Variants in PTPRM observed in about 807,000 individuals in gnomAD.
PTPRM encodes the protein receptor-type tyrosine-protein phosphatase mu.
PTPRM carries 47 observed loss-of-function variants against 186.7 expected under a neutral mutation model. The ratio of observed to expected loss-of-function variants is 0.25; its 90% confidence interval spans 0.20 to 0.32. PTPRM has a LOEUF of 0.32. Among genes scored for constraint, PTPRM ranks in the 10% least tolerant of loss-of-function variants. The pLI, the probability that PTPRM is intolerant of heterozygous loss-of-function variation, is 1.00. For missense variants in PTPRM, 1,494 were observed against 1,865.0 expected, an observed-to-expected ratio of 0.80 and a Z score of 3.66; for synonymous variants, 668 against 674.9, an observed-to-expected ratio of 0.99 and a Z score of 0.16.
At chr18:8,139,607 C>T (rs1158174006) in intron 13 of PTPRM, among the ~76,000 whole-genome samples, 2 of 152,216 alleles carry the variant, frequency 1.3e-5, no homozygotes, top group Non-Finnish European at 2.9e-5. Flanking sequence ...GCTTCACCTT[C>T]TCCGCAGTTC....
At chr18:7,623,892 C>T (rs774018726) in intron 1 of PTPRM, among the ~76,000 whole-genome samples, 25 of 152,140 alleles carry the variant, frequency 1.6e-4, no homozygotes, top group Non-Finnish European at 3.2e-4. Context: ...TCTGGACCAA[C>T]CCCAGCTCTT....
intron 1 of PTPRM, among the ~76,000 whole-genome samples, chr18:7,643,195 C>CA (rs1423371929): frequency 6.6e-6 from 1 of 152,044 alleles, no homozygotes; most frequent in Admixed American, 6.5e-5. Context: ...TGCTCTCTTT[C>CA]AATTACTTTT....
chr18:7,735,634 C>G (rs905640765), intron 1 of PTPRM, among the ~76,000 whole-genome samples: 1 of 152,128 alleles, frequency 6.6e-6, no homozygotes, highest in Non-Finnish European at 1.5e-5. Flanking sequence ...CTCTTTTCAT[C>G]TATAAAGAAT....
chr18:8,181,695 C>G (rs1173242326), intron 14 of PTPRM, among the ~76,000 whole-genome samples: 1 of 152,160 alleles, frequency 6.6e-6, no homozygotes, highest in Non-Finnish European at 1.5e-5. Context: ...TCATGACACT[C>G]AGTTGAATCA....
chr18:7,666,446 C>T (rs1001653124), intron 1 of PTPRM, among the ~76,000 whole-genome samples: 20 of 152,206 alleles, frequency 1.3e-4, no homozygotes, highest in African/African-American at 4.8e-4. Flanking sequence ...CTTTTGCTAG[C>T]ATAAACACTG....
intron 4 of PTPRM, among the ~76,000 whole-genome samples, chr18:7,920,588 A>G (rs1280731810): frequency 1.3e-5 from 2 of 152,146 alleles, no homozygotes; most frequent in African/African-American, 2.4e-5. Context: ...TGTTTTTGAT[A>G]GATTTGTCTT....
At chr18:7,806,468 A>T (rs1204327135) in intron 2 of PTPRM, among the ~76,000 whole-genome samples, 1 of 151,774 alleles carries the variant, frequency 6.6e-6, no homozygotes, top group East Asian at 1.9e-4. Flanking sequence ...TAAGGGCATT[A>T]AAATTAATCA....
intron 14 of PTPRM, among the ~76,000 whole-genome samples, chr18:8,180,947 T>G (rs1601050154): frequency 6.6e-6 from 1 of 151,846 alleles, no homozygotes; most frequent in Non-Finnish European, 1.5e-5. Flanking sequence ...TGATGGCGGG[T>G]GGGGGGGCCC....
intron 3 of PTPRM, among the ~76,000 whole-genome samples, chr18:7,892,128 T>C (rs536018674): frequency 3.5e-4 from 54 of 152,290 alleles, no homozygotes; most frequent in African/African-American, 1.3e-3. Context: ...TCCTAGTTGA[T>C]ATCAGAAGGT....
intron 1 of PTPRM, among the ~76,000 whole-genome samples, chr18:7,577,707 C>T (rs1248332912): frequency 3.9e-5 from 6 of 152,074 alleles, no homozygotes; most frequent in Admixed American, 1.3e-4. Flanking sequence ...TCTTGAACAC[C>T]AAATGTGGTG....
intron 14 of PTPRM, among the ~76,000 whole-genome samples, chr18:8,195,935 A>T (rs764409987): frequency 5.9e-5 from 9 of 152,256 alleles, no homozygotes; most frequent in Non-Finnish European, 8.8e-5. Flanking sequence ...TCATATGAGA[A>T]AAAATGAAAA....
intron 2 of PTPRM, among the ~76,000 whole-genome samples, chr18:7,886,092 G>T (rs1210300257): frequency 6.6e-6 from 1 of 152,148 alleles, no homozygotes; most frequent in Non-Finnish European, 1.5e-5. Flanking sequence ...ATTCAGACGT[G>T]ACCTCAAGAA....
intron 7 of PTPRM, among the ~76,000 whole-genome samples, chr18:7,989,653 ATTC>A (rs548636052): frequency 7.2e-4 from 109 of 152,148 alleles, no homozygotes; most frequent in African/African-American, 2.5e-3. Context: ...AGCATAGCCA[ATTC>A]TTCTTGGTTA....
At chr18:7,621,378 G>T (rs2037934028) in intron 1 of PTPRM, among the ~76,000 whole-genome samples, 1 of 152,114 alleles carries the variant, frequency 6.6e-6, no homozygotes, top group Non-Finnish European at 1.5e-5. Flanking sequence ...TTCCCATATA[G>T]CCCTGCCCCC....
At chr18:7,959,012 C>T (rs1326299055) in intron 7 of PTPRM, among the ~76,000 whole-genome samples, 2 of 152,150 alleles carry the variant, frequency 1.3e-5, no homozygotes, top group Non-Finnish European at 2.9e-5. Context: ...TGGCACTAGA[C>T]ATAGGACTAG....
intron 19 of PTPRM, among the ~76,000 whole-genome samples, chr18:8,263,537 G>A (rs1601539647): frequency 6.6e-6 from 1 of 152,354 alleles, no homozygotes; most frequent in East Asian, 1.9e-4. Flanking sequence ...GATTTTATGA[G>A]TGATAAGAGC....
At chr18:8,192,838 T>C (rs1276972274) in intron 14 of PTPRM, among the ~76,000 whole-genome samples, 5 of 152,172 alleles carry the variant, frequency 3.3e-5, no homozygotes, top group Non-Finnish European at 7.3e-5. Context: ...ATAGATTACT[T>C]AATTTCTTTT....
rs115423835 is a variant in PTPRM at position 8,302,469 on chromosome 18, A to G, written c.2842+6014A>G. ...GAGGACTTTTGTCTTTATTATAAGA[A>G]TAACGGAAACTTCATTAAAGGGGTT... On this transcript the variant is annotated intron_variant, in intron 20 of 32. Coordinates refer to ENST00000580170, the MANE Select transcript of PTPRM (RefSeq NM_001105244.2). Among the ~76,000 whole-genome samples the G allele has an allele frequency of 9.6e-3, 1,465 of 152,210 alleles. 15 individuals are homozygous for G. The highest frequency in any genetic ancestry group is 0.037 in the Middle Eastern group (11 of 294).
chr18:7,681,647 G>A (rs1199794171), intron 1 of PTPRM, among the ~76,000 whole-genome samples: 1 of 151,748 alleles, frequency 6.6e-6, no homozygotes, highest in Admixed American at 6.6e-5. Context: ...CACTGCTGGT[G>A]TAATTACCAA....
Sources: gnomAD v4.1 joint callset for allele counts (sites outside exome capture counted in the v4.1 genomes callset) on GRCh38, gnomAD v4.1.1 for gene constraint, MANE v1.5 for transcripts, NCBI Gene and HGNC (gene_info 2026-07-23, HGNC 2026-07-21) for gene names.